KCP: variants seen among roughly 807,000 people sequenced by gnomAD.
KCP encodes the protein kielin cysteine rich BMP regulator.
In KCP, 194 loss-of-function variants were observed where a neutral mutation model predicts 212.7. The ratio of observed to expected loss-of-function variants is 0.91; its 90% confidence interval spans 0.81 to 1.03. The LOEUF (loss-of-function observed/expected upper bound fraction) is 1.03, where lower values mean the gene tolerates loss of function less well. Among genes scored for constraint, KCP ranks in the 50% least tolerant of loss-of-function variants. The pLI is 0.00. For missense variants in KCP, 2,080 were observed against 2,162.5 expected, an observed-to-expected ratio of 0.96 and a Z score of 0.76; for synonymous variants, 833 against 865.3, an observed-to-expected ratio of 0.96 and a Z score of 0.65.
chr7:128,885,257 A>G lies in KCP; in HGVS notation c.2880T>C (p.His960=), dbSNP rs1280851070. The change falls in exon 27 of 40, where the codon CAT becomes CAC. Residue 960 remains histidine (H), a synonymous_variant. Coordinates refer to ENST00000610776, the MANE Select transcript of KCP (RefSeq NM_001366122.1). ...TACTGCCTTCGGGGTGCTCTTCCCC[A>G]TGAGCCAGGCAGCCTGTGGTGCAAA... The part of the protein sequence containing the change: ...CCPRCRGCLA[H]GEEHPEGSRW... The G allele has an allele frequency of 5.8e-6, 9 of 1,544,770 alleles. No individual in the cohort carries two copies. The highest frequency in any genetic ancestry group is 5.3e-6 in the Non-Finnish European group (6 of 1,142,360).
At chr7:128,878,277 C>T (rs570907757) in intron 38 of KCP, among the ~76,000 whole-genome samples, 53 of 152,192 alleles carry the variant, frequency 3.5e-4, no homozygotes, top group African/African-American at 7.7e-4. Context: ...AGGCTGGTTT[C>T]AAACTCCCAA....
chr7:128,909,805 C>G (rs1251504272), intron 1 of KCP, among the ~76,000 whole-genome samples: 2 of 152,196 alleles, frequency 1.3e-5, no homozygotes, highest in African/African-American at 4.8e-5. Context: ...GTTCCCGCAC[C>G]CTGGGCGAAT....
Position 128,892,869 on chromosome 7 carries a change from C to T in KCP, c.1420G>A (p.Gly474Ser). 1 of 1,550,820 alleles carries T rather than the reference C, an allele frequency of 6.4e-7. No individual in the cohort carries two copies. The highest frequency in any genetic ancestry group is 8.7e-7 in the Non-Finnish European group (1 of 1,146,628). Residue 474 changes from glycine (G) to serine (S), a missense_variant and splice_region_variant, in exon 14 of 40, where the codon GGT becomes AGT. Physicochemically the swap from Gly to Ser is moderately conservative, Grantham distance 56. Coordinates refer to ENST00000610776, the MANE Select transcript of KCP (RefSeq NM_001366122.1). ...APCQHPTQPP[G>S]ACCPSCDSCT... ...AGCCAGGATCAGCCCAGGCACTCAC[C>T]AGGGGGCTGGGTGGGGTGCTGGCAG...
At chr7:128,902,741 G>A (rs1332889448) in intron 8 of KCP, 36 bp downstream of exon 8, 12 of 1,527,668 alleles carry the variant, frequency 7.9e-6, no homozygotes, top group Non-Finnish European at 8.9e-6. Flanking sequence ...CTGAGGGCAG[G>A]GAGGGGGACA....
Position 128,891,797 on chromosome 7 carries a change from C to T in KCP, c.1644G>A (p.Val548=), listed in dbSNP as rs1484535123. The change falls in exon 17 of 40, where the codon GTG becomes GTA. Residue 548 remains valine, a synonymous_variant. Transcript: ENST00000610776. ...RCPDCILEEE[V]FVDGESFSHP... Reference sequence around the variant, plus strand: ...GGGAGAAGCTCTCGCCGTCCACAAACACCTCTTCCTCCAGGATGCAGTCTG... The same window carrying T: ...GGGAGAAGCTCTCGCCGTCCACAAATACCTCTTCCTCCAGGATGCAGTCTG... 2 of 1,448,920 alleles carry T rather than the reference C, an allele frequency of 1.4e-6. No individual in the cohort carries two copies. The highest frequency in any genetic ancestry group is 1.5e-5 in the South Asian group (1 of 67,542). The allele number at this position is 1,448,920 out of a possible 1,614,324, so 89.8% of individuals were successfully genotyped here.
At chr7:128,887,518 G>A (rs565520556) in intron 22 of KCP, among the ~76,000 whole-genome samples, 5 of 145,498 alleles carry the variant, frequency 3.4e-5, no homozygotes, top group African/African-American at 1.0e-4. Context: ...GCAGGTGGGA[G>A]TGCAACAGAA....
chr7:128,900,558 AT>A (rs1237181323), intron 8 of KCP, among the ~76,000 whole-genome samples: 2 of 152,122 alleles, frequency 1.3e-5, no homozygotes, highest in Admixed American at 1.3e-4. Flanking sequence ...AATTTTACTG[AT>A]TTTGCTTTAC....
chr7:128,887,374 T>C, intron 22 of KCP, 74 bp from the exon 23 acceptor site: 10 of 1,107,158 alleles, frequency 9.0e-6, no homozygotes, highest in Non-Finnish European at 1.3e-5. Flanking sequence ...ACACAGCCCC[T>C]CCCCCTCCAC....
intron 7 of KCP, 47 bp downstream of exon 7, chr7:128,903,680 C>T (rs140560654): frequency 5.2e-5 from 75 of 1,443,108 alleles, no homozygotes; most frequent in East Asian, 2.5e-4. Flanking sequence ...AGAAATGGCA[C>T]GACAACCTAC....
rs975775713 is a variant in KCP, at chr7:128,894,305, A to T, written c.832-12T>A. ...TGGATGTGACCCTCCTGGTGGGGAG[A>T]ATGAACAGGGGAAGGGGCCGACAGG... On this transcript the variant is annotated splice_polypyrimidine_tract_variant and intron_variant, in intron 8 of 39. Transcript: ENST00000610776. 1 of 1,525,660 alleles carries T rather than the reference A, an allele frequency of 6.6e-7. No individual in the cohort carries two copies. The highest frequency in any genetic ancestry group is 1.4e-5 in the African/African-American group (1 of 72,460). The allele number at this position is 1,525,660 out of a possible 1,614,324, so 94.5% of individuals were successfully genotyped here.
chr7:128,891,383 G>C (rs1184624225), intron 18 of KCP, 68 bp downstream of exon 18: 5 of 1,545,740 alleles, frequency 3.2e-6, no homozygotes, highest in Non-Finnish European at 4.4e-6. Flanking sequence ...ACCTGGGCGG[G>C]CCTCTCCTGG....
chr7:128,886,574 G>C lies in KCP; in HGVS notation c.2773-17C>G, dbSNP rs776799543. ...CTGGCCAGCCTGTAGGAGATGCAGG[G>C]ACACTGGCTCGCTGCCTAGGCTGGG... On this transcript the variant is annotated splice_polypyrimidine_tract_variant and intron_variant, in intron 25 of 39. Coordinates refer to ENST00000610776, the MANE Select transcript of KCP (RefSeq NM_001366122.1). 25 of 1,551,056 alleles carry C rather than the reference G, an allele frequency of 1.6e-5. No homozygotes were observed. Among genetic ancestry groups the C allele is most frequent in the Non-Finnish European group, 1.8e-5 (21 of 1,146,584 alleles).
At chr7:128,883,880 T>A (rs915633285) in intron 29 of KCP, 122 bp downstream of exon 29, 14 of 1,245,508 alleles carry the variant, frequency 1.1e-5, no homozygotes, top group Non-Finnish European at 1.1e-6. Context: ...CGGCCAGGCA[T>A]AGGGTTCCAG....
chr7:128,877,821 G>A (rs1793087920), intron 38 of KCP, 31 bp from the exon 39 acceptor site: 1 of 1,517,548 alleles, frequency 6.6e-7, no homozygotes, highest in South Asian at 1.2e-5. Flanking sequence ...TGACGTGACA[G>A]CACCACTGGC....
chr7:128,907,372 G>A lies in KCP; in HGVS notation c.301C>T (p.Arg101Cys), dbSNP rs774922609. 17 of 1,540,734 alleles carry A rather than the reference G, an allele frequency of 1.1e-5. No individual in the cohort carries two copies. Among genetic ancestry groups the A allele is most frequent in the East Asian group, 9.9e-5 (4 of 40,582 alleles). ...CAGCGTGCCCCCTCGGGCCAGGCAC[G>A]CCCCAGCCCCCAGCACTGGGGAGAT... ...PASPQCWGLG[R>C]AWPEGARWEP... is the part of the protein sequence containing the mutation. Residue 101 changes from arginine (R) to cysteine (C), a missense_variant, in exon 3 of 40, where the codon CGT becomes TGT. Transcript: ENST00000610776.
rs1380473316 is a variant in KCP, at chr7:128,886,510, G to T, written c.2820C>A (p.Cys940Ter). The change falls in exon 26 of 40, where the codon TGC becomes TGA. Residue 940 changes from cysteine to a stop codon, truncating the protein, a stop_gained. Coordinates refer to ENST00000610776, the MANE Select transcript of KCP (RefSeq NM_001366122.1). LOFTEE classifies it high-confidence loss of function. ...CVRLQCPPLP[C>*]KLQVTERGSC... is the part of the protein sequence containing the mutation. ...TCCCCCGCTCGGTGACCTGGAGCTT[G>T]CAGGGAAGGGGTGGGCACTGCAGCC... is the stretch of plus-strand genomic sequence containing the variant. The T allele has an allele frequency of 1.9e-6, 3 of 1,550,786 alleles. No homozygotes were observed. Among genetic ancestry groups the T allele is most frequent in the South Asian group, 1.2e-5 (1 of 84,052 alleles).
At chr7:128,896,163 G>C (rs867824250) in intron 8 of KCP, among the ~76,000 whole-genome samples, 8 of 152,276 alleles carry the variant, frequency 5.3e-5, no homozygotes, top group Middle Eastern at 6.8e-3. Flanking sequence ...CCATGGAAGG[G>C]ACAATACTGA....
rs1385213518 is a variant in KCP at position 128,887,212 on chromosome 7, C to T, written c.2598+3G>A. On this transcript the variant is annotated splice_donor_region_variant and intron_variant, in intron 23 of 39. Coordinates refer to ENST00000610776, the MANE Select transcript of KCP (RefSeq NM_001366122.1). ...TACCAAGGTCCTAAAGGGGCTGCCT[C>T]ACCTGGCAGGTGCAGAGGGAGCAGG... 6.4e-7 allele frequency: 1 copy of T among 1,551,350 alleles called. No homozygotes were observed. Among genetic ancestry groups the T allele is most frequent in the East Asian group, 2.4e-5 (1 of 40,920 alleles).
In KCP at chr7:128,907,408, A is replaced by T. The variant is rs549944301; in HGVS notation, c.265T>A (p.Cys89Ser). The change falls in exon 3 of 40, where the codon TGC becomes AGC. Residue 89 changes from cysteine to serine, a missense_variant. Cys to Ser is a moderately radical substitution (Grantham distance 112). Transcript: ENST00000610776. Reference protein sequence around the residue: ...TRVRQLESCECHPASPQCWGL... With the variant: ...TRVRQLESCESHPASPQCWGL... ...CAGCACTGGGGAGATGCAGGGTGGCACTCACAGGACTCCAGCTGCCTCACC... is the reference window on the plus strand; with the variant it reads ...CAGCACTGGGGAGATGCAGGGTGGCTCTCACAGGACTCCAGCTGCCTCACC... The T allele has an allele frequency of 1.3e-5, 20 of 1,520,016 alleles. No individual in the cohort carries two copies. Among genetic ancestry groups the T allele is most frequent in the Non-Finnish European group, 1.8e-5 (20 of 1,124,018 alleles). The allele number at this position is 1,520,016 out of a possible 1,614,324, so 94.2% of individuals were successfully genotyped here.
Sources: gnomAD v4.1 joint callset for allele counts (sites outside exome capture counted in the v4.1 genomes callset) on GRCh38, gnomAD v4.1.1 for gene constraint, MANE v1.5 for transcripts, NCBI Gene and HGNC (gene_info 2026-07-23, HGNC 2026-07-21) for gene names.